Variants in KIF1B observed in about 807,000 individuals in gnomAD.
The protein encoded by KIF1B is kinesin family member 1B, also known as kinesin-like protein KIF1B.
Under a neutral mutation model 241.9 loss-of-function variants are expected in KIF1B, and 76 were observed. That is an observed-to-expected ratio of 0.31 (90% CI 0.26 to 0.38). The LOEUF is 0.38. Among genes scored for constraint, KIF1B ranks in the 10% least tolerant of loss-of-function variants. The pLI is 1.00. For missense variants in KIF1B, 1,622 were observed against 2,271.4 expected, an observed-to-expected ratio of 0.71 and a Z score of 5.81; for synonymous variants, 750 against 796.7, an observed-to-expected ratio of 0.94 and a Z score of 0.99.
intron 22 of KIF1B, among the ~76,000 whole-genome samples, chr1:10,314,223 T>G (rs1462287963): frequency 1.3e-5 from 2 of 151,488 alleles, no homozygotes; most frequent in Non-Finnish European, 2.9e-5. Flanking sequence ...AATTAGTTTT[T>G]GTCACAAAAT....
chr1:10,319,891 TC>T, intron 22 of KIF1B, 151 bp from the exon 23 acceptor site: 1 of 623,556 alleles, frequency 1.6e-6, no homozygotes, highest in Non-Finnish European at 2.9e-6. Flanking sequence ...CCTAAACATT[TC>T]CCTGTATGTC....
chr1:10,214,299 T>C (rs183933975), intron 1 of KIF1B, among the ~76,000 whole-genome samples: 52 of 145,484 alleles, frequency 3.6e-4, no homozygotes, highest in African/African-American at 8.8e-4. Context: ...TTCTTTCTTT[T>C]TTTTTTTTAA....
intron 38 of KIF1B, among the ~76,000 whole-genome samples, chr1:10,357,865 C>T (rs1213925623): frequency 6.6e-6 from 1 of 151,796 alleles, no homozygotes; most frequent in Admixed American, 6.6e-5. Flanking sequence ...AAAAATTAGC[C>T]AGACTTGGTG....
intron 1 of KIF1B, among the ~76,000 whole-genome samples, chr1:10,221,094 CTTT>C (rs34039054): frequency 1.7e-4 from 16 of 94,234 alleles, no homozygotes; most frequent in East Asian, 3.0e-4. Context: ...CAGAAAGAAG[CTTT>C]TTTTTTTTTT....
chr1:10,233,959 A>G (rs1358560013), intron 2 of KIF1B, among the ~76,000 whole-genome samples: 1 of 151,824 alleles, frequency 6.6e-6, no homozygotes, highest in Non-Finnish European at 1.5e-5. Context: ...GGTTTCCTCA[A>G]CTATAAACTG....
chr1:10,232,830 G>C (rs11121533), intron 2 of KIF1B, among the ~76,000 whole-genome samples: 40,565 of 151,994 alleles, frequency 0.27, 5,605 homozygotes, highest in Admixed American at 0.33. Context: ...GATGATCTTA[G>C]AACTTTTCAG....
At chr1:10,304,893 T>C (rs1407644409) in intron 22 of KIF1B, 1 of 1,361,102 alleles carries the variant, frequency 7.3e-7, no homozygotes. Context: ...GAAACGTTCC[T>C]CCTTTTTTAG....
chr1:10,339,748 CTTTT>C lies in KIF1B; in HGVS notation c.3423-19_3423-16del, dbSNP rs770960183. 1 of 1,605,722 alleles carries C rather than the reference CTTTT, an allele frequency of 6.2e-7. No homozygotes were observed. Among genetic ancestry groups the C allele is most frequent in the Non-Finnish European group, 8.5e-7 (1 of 1,173,506 alleles). On this transcript the variant is annotated splice_polypyrimidine_tract_variant and intron_variant, in intron 31 of 48. Coordinates refer to ENST00000676179, the MANE Select transcript of KIF1B (RefSeq NM_001365951.3). ...ACCGTTTAATGCATTGTTCACGAGTCTTTTTATTTTTTTTATGAAGCTTTTTGCA... is the reference window on the plus strand; with the variant it reads ...ACCGTTTAATGCATTGTTCACGAGTCTATTTTTTTTATGAAGCTTTTTGCA...
chr1:10,311,185 T>C (rs1651049470), intron 22 of KIF1B, among the ~76,000 whole-genome samples: 1 of 151,224 alleles, frequency 6.6e-6, no homozygotes, highest in African/African-American at 2.5e-5. Flanking sequence ...TTTTCTGTAC[T>C]TATTACGTCC....
chr1:10,356,252 G>C (rs1244202379), intron 38 of KIF1B, among the ~76,000 whole-genome samples: 3 of 151,992 alleles, frequency 2.0e-5, no homozygotes, highest in Non-Finnish European at 4.4e-5. Flanking sequence ...TGTAATCCCA[G>C]CTACTCAGGA....
intron 7 of KIF1B, among the ~76,000 whole-genome samples, chr1:10,270,440 T>C (rs78982983): frequency 0.017 from 2,528 of 152,324 alleles, 60 homozygotes; most frequent in African/African-American, 0.056. Context: ...TGTTGATGAG[T>C]ATTGCGTTAT....
chr1:10,324,395 T>C (rs1221030966), intron 25 of KIF1B, among the ~76,000 whole-genome samples: 1 of 152,240 alleles, frequency 6.6e-6, no homozygotes, highest in East Asian at 1.9e-4. Flanking sequence ...TAATCAATAA[T>C]AAACATGGAA....
chr1:10,245,454 A>G (rs1428926874), intron 2 of KIF1B, among the ~76,000 whole-genome samples: 1 of 152,192 alleles, frequency 6.6e-6, no homozygotes, highest in African/African-American at 2.4e-5. Context: ...TATGGAAATT[A>G]TAGTGTCCTG....
At chr1:10,351,163 T>C (rs1004900252) in intron 37 of KIF1B, among the ~76,000 whole-genome samples, 5 of 151,892 alleles carry the variant, frequency 3.3e-5, no homozygotes, top group African/African-American at 1.2e-4. Flanking sequence ...ATATTTTTCA[T>C]AATAAATTTT....
chr1:10,342,190 A>G, intron 33 of KIF1B, 22 bp downstream of exon 33: 2 of 1,380,666 alleles, frequency 1.4e-6, no homozygotes, highest in Non-Finnish European at 2.1e-6. Context: ...ATAAGCAAAC[A>G]TTTTTGATGG....
chr1:10,302,119 A>G (rs535854649), intron 22 of KIF1B, among the ~76,000 whole-genome samples: 2 of 152,374 alleles, frequency 1.3e-5, no homozygotes, highest in East Asian at 1.9e-4. Flanking sequence ...GGTTTTCTAG[A>G]TAGAAAATAT....
At chr1:10,321,476 G>T (rs1411566627) in intron 23 of KIF1B, among the ~76,000 whole-genome samples, 1 of 151,680 alleles carries the variant, frequency 6.6e-6, no homozygotes, top group South Asian at 2.1e-4. Context: ...TTTCTTTGTT[G>T]TACTATTTTA....
In KIF1B at chr1:10,345,964, C is replaced by T; in HGVS notation, c.3797+11C>T. 6.4e-7 allele frequency: 1 copy of T among 1,559,326 alleles called. No individual in the cohort carries two copies. The highest frequency in any genetic ancestry group is 8.8e-7 in the Non-Finnish European group (1 of 1,130,424). On this transcript the variant is annotated intron_variant, in intron 35 of 48. Transcript: ENST00000676179. The stretch of plus-strand genomic sequence containing the variant: ...GGAGCCTACAGGAGAGTAAGTCCAA[C>T]TTAATAAATTTTTAAATAAGGCAAA...
intron 2 of KIF1B, among the ~76,000 whole-genome samples, chr1:10,236,103 CTCTACTAAAA>C (rs1253567005): frequency 2.0e-5 from 3 of 151,756 alleles, no homozygotes; most frequent in Non-Finnish European, 4.4e-5. Flanking sequence ...GAAACCCCAT[CTCTACTAAAA>C]ATACAAAAAT....
Sources: allele counts gnomAD v4.1 joint callset (sites outside exome capture counted in the v4.1 genomes callset), GRCh38; gene constraint gnomAD v4.1.1; transcripts MANE v1.5; gene names NCBI Gene and HGNC (gene_info 2026-07-23, HGNC 2026-07-21).